The following ATG7 variants were observed in gnomAD, a reference collection of about 807,000 sequenced individuals.
The protein encoded by ATG7 is ubiquitin-like modifier-activating enzyme ATG7.
A neutral mutation model predicts 82.4 loss-of-function variants in ATG7; 70 were observed. That is an observed-to-expected ratio of 0.85 (90% CI 0.70 to 1.04). The LOEUF (loss-of-function observed/expected upper bound fraction) is 1.04. Ranked by LOEUF, ATG7 falls within the 50% of genes least tolerant of loss-of-function variation. The pLI, the probability that ATG7 is intolerant of heterozygous loss-of-function variation, is 0.00. For missense variants in ATG7, 792 were observed against 864.3 expected (o/e 0.92, Z 1.05); for synonymous variants, 287 against 313.0 (o/e 0.92, Z 0.88).
At chr3:11,402,262 T>A (rs2079907037) in intron 19 of ATG7, among the ~76,000 whole-genome samples, 1 of 151,974 alleles carries the variant, frequency 6.6e-6, no homozygotes, top group Admixed American at 6.6e-5. Flanking sequence ...TGAAACCCGG[T>A]TTCTACTAGA....
rs553391047 is a variant in ATG7, at chr3:11,512,163, T to C, written c.2080-42648T>C. Among the ~76,000 whole-genome samples the C allele has an allele frequency of 7.2e-5, 11 of 152,216 alleles. No individual in the cohort carries two copies. In the East Asian group the frequency reaches 1.7e-3, roughly 24 times the overall value. ...TGCCAGCATGCTGTCACCTCTCAGC[T>C]TCACCCACCCAGTGACCTTGAGTCT... On this transcript the variant is annotated intron_variant, in intron 20 of 20. Coordinates refer to ENST00000693202, the MANE Select transcript of ATG7 (RefSeq NM_001349232.2).
Position 11,342,200 on chromosome 3 carries a change from A to T in ATG7, c.1046A>T (p.Asp349Val), listed in dbSNP as rs1359608273. ...TGTTGGAGATTGGTTCCTACTTTAG[A>T]CTTGGACAAGGTTGTGTCTGTCAAA... ...LMCWRLVPTL[D>V]LDKVVSVKCL... The change falls in exon 13 of 21, where the codon GAC (aspartate) becomes GTC (valine). Residue 349 changes from aspartate to valine, a missense_variant. Physicochemically the swap from Asp to Val is radical, Grantham distance 152. Coordinates refer to ENST00000693202, the MANE Select transcript of ATG7 (RefSeq NM_001349232.2). 3 of 1,613,440 alleles carry T rather than the reference A, an allele frequency of 1.9e-6. No homozygotes were observed. The Admixed American group carries it at 5.0e-5, about 27-fold the overall frequency.
chr3:11,394,369 G>A (rs548818386), intron 19 of ATG7, among the ~76,000 whole-genome samples: 2 of 152,272 alleles, frequency 1.3e-5, no homozygotes, highest in South Asian at 2.1e-4. Flanking sequence ...AACTGGATCA[G>A]TTGCTTCTAA....
chr3:11,316,271 G>A (rs1370938718), intron 9 of ATG7, among the ~76,000 whole-genome samples: 1 of 152,094 alleles, frequency 6.6e-6, no homozygotes. Flanking sequence ...GCTCCAAGCT[G>A]CCTTTCCTGC....
intron 19 of ATG7, among the ~76,000 whole-genome samples, chr3:11,419,730 A>G (rs1335684470): frequency 1.3e-5 from 2 of 152,210 alleles, no homozygotes; most frequent in African/African-American, 4.8e-5. Context: ...TAGGTTTGAT[A>G]TAGTAAAGAG....
At chr3:11,512,864 G>C (rs922205773) in intron 20 of ATG7, among the ~76,000 whole-genome samples, 2 of 152,082 alleles carry the variant, frequency 1.3e-5, no homozygotes, top group African/African-American at 4.8e-5. Context: ...ATTTTACAGA[G>C]AGCTGATTGG....
chr3:11,288,351 A>G (rs539389266), intron 3 of ATG7, among the ~76,000 whole-genome samples: 3 of 152,242 alleles, frequency 2.0e-5, no homozygotes, highest in Non-Finnish European at 4.4e-5. Flanking sequence ...TTTCATTTCA[A>G]CCTTTACTGA....
intron 18 of ATG7, among the ~76,000 whole-genome samples, chr3:11,367,617 T>C (rs926264856): frequency 2.0e-5 from 3 of 152,204 alleles, no homozygotes; most frequent in Non-Finnish European, 4.4e-5. Flanking sequence ...ACAGGCAGAA[T>C]TTGGCCCATC....
intron 20 of ATG7, chr3:11,510,462 C>A: frequency 2.7e-6 from 1 of 365,748 alleles, no homozygotes. Context: ...ACCCCCTCCC[C>A]CATCCCAGTG....
rs950402549 is a variant in ATG7 at position 11,452,833 on chromosome 3, AT to A, written c.2079+25914del. Among the ~76,000 whole-genome samples the A allele has an allele frequency of 9.2e-5, 14 of 152,238 alleles. No individual in the cohort carries two copies. In the East Asian group the frequency reaches 2.7e-3, roughly 29 times the overall value. ...AGTGTTAAGACCTATTCTTTTTAGT[AT>A]TTTTTTAAACACAAAGTAACACCTC... On this transcript the variant is annotated intron_variant, in intron 20 of 20. Transcript: ENST00000693202.
intron 20 of ATG7, among the ~76,000 whole-genome samples, chr3:11,443,879 G>A (rs990246769): frequency 6.6e-6 from 1 of 152,104 alleles, no homozygotes; most frequent in African/African-American, 2.4e-5. Flanking sequence ...TAGAGAACAA[G>A]TATGAATTAA....
intron 19 of ATG7, among the ~76,000 whole-genome samples, chr3:11,408,003 C>G (rs1248634828): frequency 1.3e-5 from 2 of 152,240 alleles, no homozygotes; most frequent in African/African-American, 4.8e-5. Flanking sequence ...GCTTGAATTT[C>G]TCCTCAGAAA....
chr3:11,349,216 C>T (rs543271654), intron 14 of ATG7, among the ~76,000 whole-genome samples: 5 of 135,678 alleles, frequency 3.7e-5, no homozygotes, highest in Admixed American at 1.6e-4. Flanking sequence ...CATTTACAAT[C>T]CTCTAGCTAG....
At chr3:11,507,628 G>C (rs369537467) in intron 20 of ATG7, among the ~76,000 whole-genome samples, 1 of 152,126 alleles carries the variant, frequency 6.6e-6, no homozygotes, top group Non-Finnish European at 1.5e-5. Context: ...AAAGTTATGG[G>C]TGTTTTTTGT....
intron 20 of ATG7, among the ~76,000 whole-genome samples, chr3:11,503,481 G>A (rs1049983739): frequency 1.3e-5 from 2 of 151,864 alleles, no homozygotes; most frequent in Non-Finnish European, 2.9e-5. Flanking sequence ...TATTCAGGCC[G>A]GGCGCAGTGG....
intron 9 of ATG7, among the ~76,000 whole-genome samples, chr3:11,317,870 C>T (rs1251096011): frequency 2.6e-5 from 4 of 152,334 alleles, no homozygotes; most frequent in East Asian, 1.9e-4. Flanking sequence ...GGATTACAGG[C>T]GTGAGCCACT....
chr3:11,446,492 A>G (rs553710337), intron 20 of ATG7: 81 of 446,106 alleles, frequency 1.8e-4, no homozygotes, highest in African/African-American at 1.6e-3. Context: ...ACTTTATTGT[A>G]TCTGGTTTAC....
At position 11,372,308 on chromosome 3, in the gene ATG7, A is replaced by G. The variant is rs140851496; in HGVS notation, c.1875+7574A>G. Among the ~76,000 whole-genome samples, 1,053 of 148,952 alleles carry G rather than the reference A, an allele frequency of 7.1e-3. 59 individuals are homozygous for G. Among genetic ancestry groups the G allele is most frequent in the African/African-American group, 0.025 (1,003 of 40,418 alleles). Reference sequence around the variant, plus strand: ...ATTGTAGAGCTAGTTTAGGCGTACAATTTTTTTTTTCTAGACGTTTCTATG... The same window carrying G: ...ATTGTAGAGCTAGTTTAGGCGTACAGTTTTTTTTTTCTAGACGTTTCTATG... On this transcript the variant is annotated intron_variant, in intron 18 of 20. Transcript: ENST00000693202.
chr3:11,390,127 C>T (rs1391134562), intron 19 of ATG7, among the ~76,000 whole-genome samples: 1 of 152,186 alleles, frequency 6.6e-6, no homozygotes, highest in Non-Finnish European at 1.5e-5. Flanking sequence ...CTCAACATCG[C>T]TCTTTCTTAA....
Sources: gnomAD v4.1 joint callset for allele counts (sites outside exome capture counted in the v4.1 genomes callset) on GRCh38, gnomAD v4.1.1 for gene constraint, MANE v1.5 for transcripts, NCBI Gene and HGNC (gene_info 2026-07-23, HGNC 2026-07-21) for gene names.